DNAJC6: variants seen among roughly 807,000 people sequenced by gnomAD.
DNAJC6 encodes DnaJ heat shock protein family (Hsp40) member C6.
Under a neutral mutation model 110.0 loss-of-function variants are expected in DNAJC6, and 34 were observed. That is an observed-to-expected ratio of 0.31 (90% CI 0.24 to 0.41). The LOEUF (loss-of-function observed/expected upper bound fraction) is 0.41, where lower values mean the gene tolerates loss of function less well. Ranked by LOEUF, DNAJC6 falls within the 10% of genes least tolerant of loss-of-function variation. The pLI is 1.00. For missense variants in DNAJC6, 1,031 were observed against 1,207.8 expected (o/e 0.85, Z 2.17); for synonymous variants, 406 against 437.2 (o/e 0.93, Z 0.89).
upstream of DNAJC6, among the ~76,000 whole-genome samples, chr1:65,306,975 TCTCTCTC>T (rs1645046220): frequency 3.1e-5 from 1 of 32,166 alleles, no homozygotes; most frequent in African/African-American, 1.6e-4. Context: ...AATCTGTTTC[TCTCTCTC>T]TCTCTCTCTC....
chr1:65,308,593 T>A (rs563893414), upstream of DNAJC6, among the ~76,000 whole-genome samples: 2 of 152,236 alleles, frequency 1.3e-5, no homozygotes, highest in Non-Finnish European at 2.9e-5. Context: ...GGTACACAGC[T>A]TAATTAACTT....
At chr1:65,301,697 T>C (rs1024953400) in intron 1 of DNAJC6, among the ~76,000 whole-genome samples, 1 of 152,158 alleles carries the variant, frequency 6.6e-6, no homozygotes, top group Admixed American at 6.5e-5. Flanking sequence ...TCCACTTAGC[T>C]ATCTGGAAGG....
intron 1 of DNAJC6, among the ~76,000 whole-genome samples, chr1:65,364,402 G>T (rs1366634597): frequency 6.6e-6 from 1 of 152,034 alleles, no homozygotes; most frequent in Non-Finnish European, 1.5e-5. Context: ...AATACTGGAG[G>T]TTTCTGTTCC....
At chr1:65,353,130 A>G (rs886912058) in intron 1 of DNAJC6, among the ~76,000 whole-genome samples, 4 of 152,192 alleles carry the variant, frequency 2.6e-5, no homozygotes, top group Non-Finnish European at 2.9e-5. Flanking sequence ...GGGAAATGTC[A>G]TAGTCCATTT....
At chr1:65,315,473 G>A (rs977834395) in intron 1 of DNAJC6, among the ~76,000 whole-genome samples, 4 of 152,020 alleles carry the variant, frequency 2.6e-5, no homozygotes, top group East Asian at 1.9e-4. Flanking sequence ...GACTTTCAAC[G>A]TACAACATGA....
At chr1:65,361,100 C>T (rs774960008) in intron 1 of DNAJC6, among the ~76,000 whole-genome samples, 2 of 152,158 alleles carry the variant, frequency 1.3e-5, no homozygotes, top group Non-Finnish European at 2.9e-5. Flanking sequence ...CCCTTCCACT[C>T]GTTAACTGGA....
intron 12 of DNAJC6, among the ~76,000 whole-genome samples, chr1:65,394,611 A>G (rs1280024091): frequency 6.6e-6 from 1 of 152,242 alleles, no homozygotes; most frequent in African/African-American, 2.4e-5. Flanking sequence ...CTAGATAACA[A>G]ATAAATCCTG....
upstream of DNAJC6, chr1:65,309,450 G>T (rs774601067): frequency 1.2e-6 from 1 of 851,382 alleles, no homozygotes; most frequent in Non-Finnish European, 1.5e-6. Flanking sequence ...CCCGGAGCTC[G>T]GCAGGGCCGG....
At chr1:65,315,039 A>C (rs192427555) in intron 1 of DNAJC6, among the ~76,000 whole-genome samples, 1 of 152,272 alleles carries the variant, frequency 6.6e-6, no homozygotes, top group Admixed American at 6.5e-5. Flanking sequence ...GTGTCTTTGA[A>C]CTGTTCTCAT....
rs1451726678 is a variant in DNAJC6 at position 65,394,923 on chromosome 1, A to G, written c.1929A>G (p.Ala643=). The part of the protein sequence containing the change: ...GEGATFDPFG[A]PSKPSGQDLL... The stretch of plus-strand genomic sequence containing the variant: ...GTGCCACCTTTGACCCATTTGGAGC[A>G]CCTTCTAAACCATCAGGTCAGGATT... The change falls in exon 13 of 19, where the codon GCA becomes GCG. Residue 643 remains alanine (A), a synonymous_variant. Coordinates refer to ENST00000371069, the MANE Select transcript of DNAJC6 (RefSeq NM_001256864.2). The G allele has an allele frequency of 6.2e-7, 1 of 1,604,408 alleles. No individual in the cohort carries two copies. Among genetic ancestry groups the G allele is most frequent in the Non-Finnish European group, 8.5e-7 (1 of 1,177,012 alleles).
At position 65,389,209 on chromosome 1, in the gene DNAJC6, G is replaced by T. The variant is rs186477930; in HGVS notation, c.1194-47G>T. The T allele has an allele frequency of 3.9e-6, 6 of 1,553,020 alleles. No homozygotes were observed. The East Asian group carries it at 9.0e-5, about 23-fold the overall frequency. ...GACTTCTGTGCCAAACATCATACCA[G>T]TTCCATTGTTTTTCACTGAATTTAT... On this transcript the variant is annotated intron_variant, in intron 9 of 18. Coordinates refer to ENST00000371069, the MANE Select transcript of DNAJC6 (RefSeq NM_001256864.2).
intron 1 of DNAJC6, among the ~76,000 whole-genome samples, chr1:65,284,711 G>A (rs1025714272): frequency 4.0e-5 from 6 of 150,722 alleles, no homozygotes; most frequent in Non-Finnish European, 8.9e-5. Context: ...TTTTTGAGAC[G>A]GAGTTTCACT....
At chr1:65,325,949 C>T (rs1458300603) in intron 1 of DNAJC6, among the ~76,000 whole-genome samples, 2 of 152,184 alleles carry the variant, frequency 1.3e-5, no homozygotes, top group Non-Finnish European at 2.9e-5. Context: ...TAATGCACTG[C>T]ACTAAGATGT....
chr1:65,307,102 GAGT>G (rs1471652058), upstream of DNAJC6, among the ~76,000 whole-genome samples: 1 of 148,822 alleles, frequency 6.7e-6, no homozygotes, highest in Non-Finnish European at 1.5e-5. Flanking sequence ...TTGTTTTATA[GAGT>G]AGAACAGTGA....
chr1:65,369,732 G>C (rs1355475319), intron 4 of DNAJC6, among the ~76,000 whole-genome samples: 1 of 152,206 alleles, frequency 6.6e-6, no homozygotes, highest in Non-Finnish European at 1.5e-5. Context: ...AGGTAGTGAT[G>C]TTGGCAAAGA....
intron 13 of DNAJC6, among the ~76,000 whole-genome samples, chr1:65,395,770 AATTATATT>A (rs1645970786): frequency 6.6e-6 from 1 of 152,222 alleles, no homozygotes; most frequent in Non-Finnish European, 1.5e-5. Context: ...ATGTGGCCCA[AATTATATT>A]TCTATGTTAG....
chr1:65,323,509 T>C (rs6668007), intron 1 of DNAJC6, among the ~76,000 whole-genome samples: 83,745 of 151,990 alleles, frequency 0.55, 23,235 homozygotes, highest in Non-Finnish European at 0.59. Flanking sequence ...TGTGAGTCAG[T>C]TAAACTTCTT....
chr1:65,309,662 TAA>T lies in DNAJC6; in HGVS notation c.-83_-82del. ...CGGGCACTTAATTTTTTTTTTTTTT[TAA>T]TTCCTTCTTCAGCCCTTTCCACCTT... is the stretch of plus-strand genomic sequence containing the variant. On this transcript the variant is annotated 5_prime_UTR_variant, in exon 1 of 19. Coordinates refer to ENST00000371069, the MANE Select transcript of DNAJC6 (RefSeq NM_001256864.2). The T allele has an allele frequency of 3.4e-6, 5 of 1,452,440 alleles. No homozygotes were observed. The highest frequency in any genetic ancestry group is 3.0e-5 in the African/African-American group (2 of 66,710). The allele number at this position is 1,452,440 out of a possible 1,614,324, so 90.0% of individuals were successfully genotyped here. A position where few individuals can be genotyped will look rare whatever the true frequency, so the allele number is the denominator to read the frequency against.
At chr1:65,368,802 C>G (rs931232035) in intron 4 of DNAJC6, among the ~76,000 whole-genome samples, 2 of 134,536 alleles carry the variant, frequency 1.5e-5, no homozygotes, top group Non-Finnish European at 3.1e-5. Flanking sequence ...TCCAAAAGAG[C>G]CTCACTCAGT....
Sources: allele counts gnomAD v4.1 joint callset (sites outside exome capture counted in the v4.1 genomes callset), GRCh38; gene constraint gnomAD v4.1.1; transcripts MANE v1.5; gene names NCBI Gene and HGNC (gene_info 2026-07-23, HGNC 2026-07-21).